Variants in HDAC1 observed in about 807,000 individuals in gnomAD.
The protein encoded by HDAC1 is protein deacetylase HDAC1.
HDAC1 carries 18 observed loss-of-function variants against 65.5 expected under a neutral mutation model. The observed-to-expected ratio is 0.27, with a 90% CI of 0.19 to 0.41. HDAC1 has a LOEUF of 0.41. Among genes scored for constraint, HDAC1 ranks in the 10% least tolerant of loss-of-function variants. The pLI, the probability that HDAC1 is intolerant of heterozygous loss-of-function variation, is 1.00. For missense variants in HDAC1, 373 were observed against 625.2 expected (o/e 0.60, Z 4.30); for synonymous variants, 211 against 227.9 (o/e 0.93, Z 0.67).
At chr1:32,332,406 CAATG>C (rs990602715) in intron 12 of HDAC1, among the ~76,000 whole-genome samples, 164 bp downstream of exon 12, 4 of 152,192 alleles carry the variant, frequency 2.6e-5, no homozygotes, top group African/African-American at 4.8e-5. Context: ...GCCCACAAAA[CAATG>C]AACCTCTACT....
Position 32,331,613 on chromosome 1 carries a change from G to A in HDAC1, c.1088+31G>A. 6.2e-7 allele frequency: 1 copy of A among 1,612,866 alleles called. No individual in the cohort carries two copies. The highest frequency in any genetic ancestry group is 8.5e-7 in the Non-Finnish European group (1 of 1,178,872). Reference sequence around the variant, plus strand: ...TATATCCTCCAGCCACCCCTTGGTTGAACATTCCTGACTTTGGTTTGTCCC... The same window carrying A: ...TATATCCTCCAGCCACCCCTTGGTTAAACATTCCTGACTTTGGTTTGTCCC... On this transcript the variant is annotated intron_variant, in intron 10 of 13. Coordinates refer to ENST00000373548, the MANE Select transcript of HDAC1 (RefSeq NM_004964.3). This position sits in a 1 kb window ranked among gnomAD's most constrained non-coding sequence, Gnocchi z 4.2.
intron 2 of HDAC1, among the ~76,000 whole-genome samples, chr1:32,304,830 C>G (rs765204878): frequency 7.2e-5 from 11 of 152,178 alleles, no homozygotes; most frequent in Non-Finnish European, 1.5e-4. Context: ...TCCCAAAGTG[C>G]TGGGATTACA....
intron 2 of HDAC1, among the ~76,000 whole-genome samples, 163 bp downstream of exon 2, chr1:32,302,896 G>A (rs1229999010): frequency 6.6e-6 from 1 of 152,178 alleles, no homozygotes; most frequent in Non-Finnish European, 1.5e-5. Context: ...TTTTGGCTGG[G>A]CATGGTGGCT....
At chr1:32,318,512 A>G (rs1641094769) in intron 3 of HDAC1, among the ~76,000 whole-genome samples, 2 of 151,934 alleles carry the variant, frequency 1.3e-5, no homozygotes, top group Admixed American at 6.6e-5. Flanking sequence ...GCAGTGAGCC[A>G]TGATTGTACT....
intron 2 of HDAC1, among the ~76,000 whole-genome samples, chr1:32,316,318 A>C (rs1050695037): frequency 1.3e-5 from 2 of 152,180 alleles, no homozygotes; most frequent in African/African-American, 4.8e-5. Context: ...AAAGCACCTT[A>C]CAGTTTACAA....
chr1:32,296,559 T>C (rs1263138563), intron 1 of HDAC1, among the ~76,000 whole-genome samples: 1 of 152,124 alleles, frequency 6.6e-6, no homozygotes, highest in African/African-American at 2.4e-5. Context: ...TTGTCTTTTG[T>C]TTAGAGACAG....
chr1:32,310,297 C>T (rs1366106730), intron 2 of HDAC1, among the ~76,000 whole-genome samples: 1 of 152,106 alleles, frequency 6.6e-6, no homozygotes, highest in African/African-American at 2.4e-5. Context: ...AGGGGGTGAG[C>T]AGGGATCAGA....
chr1:32,292,491 A>T (rs2124391968), intron 1 of HDAC1: 1 of 944,812 alleles, frequency 1.1e-6, no homozygotes, highest in African/African-American at 1.8e-5. Flanking sequence ...TTTGAGTGGG[A>T]CTCCTAGAGG....
Position 32,331,030 on chromosome 1 carries a change from G to A in HDAC1, c.979+122G>A. On this transcript the variant is annotated intron_variant, in intron 9 of 13. Transcript: ENST00000373548. The surrounding 1 kb of genome is among the most constrained non-coding windows in gnomAD (Gnocchi z 4.2). ...CTCCTCTTCTGATACTAGTCACTGA[G>A]TCTCCTGCCTGTCCTCTTGTGATCA... is the stretch of plus-strand genomic sequence containing the variant. 1.2e-6 allele frequency: 1 copy of A among 835,470 alleles called. No individual in the cohort carries two copies. Among genetic ancestry groups the A allele is most frequent in the East Asian group, 2.6e-5 (1 of 37,886 alleles). 51.8% of individuals were successfully genotyped at this position (835,470 alleles called of 1,614,324 possible).
chr1:32,322,800 A>G (rs1641165714), intron 3 of HDAC1, among the ~76,000 whole-genome samples: 1 of 152,186 alleles, frequency 6.6e-6, no homozygotes, highest in South Asian at 2.1e-4. Flanking sequence ...ACGGGAGTCA[A>G]GACACCGGGA....
intron 3 of HDAC1, among the ~76,000 whole-genome samples, chr1:32,321,224 C>CT (rs1311952717): frequency 1.4e-5 from 2 of 147,642 alleles, no homozygotes; most frequent in East Asian, 3.9e-4. Flanking sequence ...GAGCAAGACT[C>CT]TGTCTCAAAA....
At chr1:32,332,813 A>G in intron 13 of HDAC1, 64 bp downstream of exon 13, 1 of 1,415,354 alleles carries the variant, frequency 7.1e-7, no homozygotes, top group Non-Finnish European at 9.8e-7. Flanking sequence ...TTGTCCCACC[A>G]CTCTGAGGAA....
intron 1 of HDAC1, among the ~76,000 whole-genome samples, chr1:32,294,265 C>G (rs1409229319): frequency 6.6e-6 from 1 of 151,836 alleles, no homozygotes; most frequent in Middle Eastern, 3.4e-3. Context: ...TCTCCTGCCT[C>G]AGCCTCCTGA....
chr1:32,324,436 A>G lies in HDAC1; in HGVS notation c.281-43A>G, dbSNP rs749735555. On this transcript the variant is annotated intron_variant, in intron 3 of 13. Transcript: ENST00000373548. The stretch of plus-strand genomic sequence containing the variant: ...CCATCAGCTCATAAATATGTAAACT[A>G]AAGGAAATTGTGGAAACTAACCTTT... 47 of 1,353,652 alleles carry G rather than the reference A, an allele frequency of 3.5e-5. No homozygotes were observed. In the Middle Eastern group the frequency reaches 5.4e-4, roughly 16 times the overall value. 83.9% of individuals were successfully genotyped at this position (1,353,652 alleles called of 1,614,324 possible).
chr1:32,322,511 C>T (rs975587481), intron 3 of HDAC1, among the ~76,000 whole-genome samples: 3 of 152,134 alleles, frequency 2.0e-5, no homozygotes, highest in Non-Finnish European at 4.4e-5. Flanking sequence ...TCAAGTGATC[C>T]ACCTGCCTTG....
rs150636639 is a variant in HDAC1 at position 32,330,772 on chromosome 1, C to T, written c.843C>T (p.His281=). The T allele has an allele frequency of 1.8e-5, 29 of 1,614,030 alleles. No individual in the cohort carries two copies. The highest frequency in any genetic ancestry group is 1.3e-4 in the African/African-American group (10 of 74,894). The change falls in exon 9 of 14, where the codon CAC becomes CAT. Residue 281 remains histidine, a synonymous_variant. Coordinates refer to ENST00000373548, the MANE Select transcript of HDAC1 (RefSeq NM_004964.3). This position sits in a 1 kb window ranked among gnomAD's most constrained non-coding sequence, Gnocchi z 4.2. The part of the protein sequence containing the change: ...LGCFNLTIKG[H]AKCVEFVKSF... ...GCACCCCTTCTCCCACCAAAGGACACGCCAAGTGTGTGGAATTTGTCAAGA... is the reference window on the plus strand; with the variant it reads ...GCACCCCTTCTCCCACCAAAGGACATGCCAAGTGTGTGGAATTTGTCAAGA...
chr1:32,296,387 CAG>C (rs1640767024), intron 1 of HDAC1, among the ~76,000 whole-genome samples: 1 of 151,912 alleles, frequency 6.6e-6, no homozygotes, highest in South Asian at 2.1e-4. Context: ...TTTTTGGAGA[CAG>C]GGCCTCACTC....
chr1:32,308,379 G>A (rs537192109), intron 2 of HDAC1, among the ~76,000 whole-genome samples: 1 of 152,278 alleles, frequency 6.6e-6, no homozygotes, highest in Non-Finnish European at 1.5e-5. Flanking sequence ...GTACTTTAAC[G>A]TTTTAAGATT....
At position 32,332,600 on chromosome 1, in the gene HDAC1, G is replaced by C. The variant is rs977777726; in HGVS notation, c.1373-101G>C. 9 of 834,028 alleles carry C rather than the reference G, an allele frequency of 1.1e-5. No individual in the cohort carries two copies. The African/African-American group carries it at 1.5e-4, about 14-fold the overall frequency. 51.7% of individuals were successfully genotyped at this position (834,028 alleles called of 1,614,324 possible). A position where few individuals can be genotyped will look rare whatever the true frequency, so the allele number is the denominator to read the frequency against. ...ATGGGCTTTTCTCTCTTTATGTCCA[G>C]TGAGCTGTAGTGTTGGGGAAGGGGT... On this transcript the variant is annotated intron_variant, in intron 12 of 13. Transcript: ENST00000373548.
Sources: gnomAD v4.1 joint callset for allele counts (sites outside exome capture counted in the v4.1 genomes callset) on GRCh38, gnomAD v4.1.1 for gene constraint, Gnocchi (gnomAD v3.1) non-coding constraint, MANE v1.5 for transcripts, NCBI Gene and HGNC (gene_info 2026-07-23, HGNC 2026-07-21) for gene names.